The following THSD4 variants were observed in gnomAD, a reference collection of about 807,000 sequenced individuals.
THSD4 encodes thrombospondin type 1 domain containing 4, also known as thrombospondin type-1 domain-containing protein 4.
In THSD4, 69 loss-of-function variants were observed where a neutral mutation model predicts 119.0. That is an observed-to-expected ratio of 0.58 (90% confidence interval 0.48 to 0.71). THSD4 has a LOEUF of 0.71. Ranked by LOEUF, THSD4 falls within the 30% of genes least tolerant of loss-of-function variation. The pLI, the probability that THSD4 is intolerant of heterozygous loss-of-function variation, is 0.00. For synonymous variants in THSD4, 524 were observed against 540.4 expected (o/e 0.97, Z 0.42); for missense variants, 1,393 against 1,391.1 (o/e 1.00, Z -0.02).
chr15:71,435,342 AT>A (rs1417056887), intron 7 of THSD4, among the ~76,000 whole-genome samples: 1 of 152,168 alleles, frequency 6.6e-6, no homozygotes, highest in African/African-American at 2.4e-5. Flanking sequence ...TGTACAAAGG[AT>A]TTTAACATTG....
At chr15:71,646,426 T>C (rs1174883673) in intron 7 of THSD4, among the ~76,000 whole-genome samples, 1 of 152,218 alleles carries the variant, frequency 6.6e-6, no homozygotes. Context: ...TTTACTTCCA[T>C]ATTTGCTGCC....
At chr15:71,617,282 A>C (rs2050334988) in intron 7 of THSD4, among the ~76,000 whole-genome samples, 1 of 152,228 alleles carries the variant, frequency 6.6e-6, no homozygotes, top group South Asian at 2.1e-4. Flanking sequence ...AAGTATGTGA[A>C]ATTAAACTAA....
At chr15:71,570,484 G>T (rs542445969) in intron 7 of THSD4, among the ~76,000 whole-genome samples, 5 of 151,386 alleles carry the variant, frequency 3.3e-5, no homozygotes, top group African/African-American at 9.7e-5. Flanking sequence ...TAGGCTCACT[G>T]CAACCTCTGC....
chr15:71,394,266 C>CTTTTTTTTT (rs58372446), intron 6 of THSD4, among the ~76,000 whole-genome samples: 5 of 89,692 alleles, frequency 5.6e-5, no homozygotes, highest in Non-Finnish European at 1.0e-4. Flanking sequence ...ACACATTTGT[C>CTTTTTTTTT]TTTTTTTTTT....
chr15:71,314,302 TTTTA>T lies in THSD4; in HGVS notation c.1015+57590_1015+57593del, dbSNP rs148587765. Reference sequence around the variant, plus strand: ...AAGTTACTATAAGAAAATATTATATTTTTATTCTTTTTTTTAATTATTGGCGGCG... The same window carrying T: ...AAGTTACTATAAGAAAATATTATATTTTCTTTTTTTTAATTATTGGCGGCG... On this transcript the variant is annotated intron_variant, in intron 6 of 17. Transcript: ENST00000261862. Among the ~76,000 whole-genome samples, 1,118 of 152,126 alleles carry T rather than the reference TTTTA, an allele frequency of 7.3e-3. 16 individuals carry two copies. Among genetic ancestry groups the T allele is most frequent in the African/African-American group, 0.025 (1,058 of 41,504 alleles).
intron 7 of THSD4, among the ~76,000 whole-genome samples, chr15:71,533,475 G>A (rs771860260): frequency 1.3e-5 from 2 of 152,150 alleles, no homozygotes; most frequent in African/African-American, 4.8e-5. Context: ...TAATTAAAGA[G>A]TATCTCAGAA....
chr15:71,210,750 C>T (rs542881721), intron 3 of THSD4, among the ~76,000 whole-genome samples: 4 of 152,100 alleles, frequency 2.6e-5, no homozygotes, highest in Admixed American at 2.0e-4. Context: ...TGTTTTTTCA[C>T]TAATTAATAT....
intron 6 of THSD4, among the ~76,000 whole-genome samples, chr15:71,292,128 G>T (rs2044800294): frequency 1.3e-5 from 2 of 152,310 alleles, no homozygotes; most frequent in East Asian, 3.9e-4. Flanking sequence ...AGTTCTGAAG[G>T]TATTCCACCA....
chr15:71,720,820 T>C (rs1457348543), intron 8 of THSD4, among the ~76,000 whole-genome samples: 1 of 152,270 alleles, frequency 6.6e-6, no homozygotes, highest in Non-Finnish European at 1.5e-5. Flanking sequence ...ATTCGGTTTG[T>C]TCGGCTACTT....
At chr15:71,608,133 G>T (rs28516469) in intron 7 of THSD4, among the ~76,000 whole-genome samples, 38,618 of 150,498 alleles carry the variant, frequency 0.26, 5,701 homozygotes, top group East Asian at 0.7. Flanking sequence ...CGAGGCAGGA[G>T]AATTGTTTGA....
intron 7 of THSD4, among the ~76,000 whole-genome samples, chr15:71,536,214 C>T (rs977199499): frequency 1.3e-5 from 2 of 152,156 alleles, no homozygotes; most frequent in African/African-American, 4.8e-5. Context: ...TTGGCAAAAC[C>T]GCAGGCCTTG....
Position 71,781,236 on chromosome 15 carries a change from A to G in THSD4, c.*3862A>G, listed in dbSNP as rs528232297. The G allele has an allele frequency of 2.5e-4, 40 of 157,538 alleles. No homozygotes were observed. Among genetic ancestry groups the G allele is most frequent in the Non-Finnish European group, 5.1e-4 (36 of 70,920 alleles). 9.8% of individuals were successfully genotyped at this position (157,538 alleles called of 1,614,324 possible). On this transcript the variant is annotated 3_prime_UTR_variant, in exon 18 of 18. Transcript: ENST00000261862. ...TGCTGGATCCAAAAAGATCAGGGAG[A>G]CTAGAATAAAACTTGGATGTTAAAA...
At chr15:71,574,997 G>C (rs892293299) in intron 7 of THSD4, among the ~76,000 whole-genome samples, 4 of 152,074 alleles carry the variant, frequency 2.6e-5, no homozygotes. Context: ...GGGCTTTAGC[G>C]ATGCATCAGC....
At chr15:71,165,371 A>T in intron 3 of THSD4, 1 of 1,488,300 alleles carries the variant, frequency 6.7e-7, no homozygotes, top group Non-Finnish European at 9.3e-7. Flanking sequence ...AAAAATGCAT[A>T]TGATGACATT....
At chr15:71,289,925 G>A (rs552864359) in intron 6 of THSD4, among the ~76,000 whole-genome samples, 1 of 152,210 alleles carries the variant, frequency 6.6e-6, no homozygotes, top group Admixed American at 6.5e-5. Context: ...CATTTTCCTA[G>A]CTGGATGATC....
intron 8 of THSD4, among the ~76,000 whole-genome samples, chr15:71,720,329 G>T (rs2052698871): frequency 1.3e-5 from 2 of 152,156 alleles, no homozygotes; most frequent in African/African-American, 2.4e-5. Context: ...GGGATTACTG[G>T]CATGAGCCAC....
At chr15:71,385,617 G>C (rs1457663074) in intron 6 of THSD4, among the ~76,000 whole-genome samples, 1 of 152,006 alleles carries the variant, frequency 6.6e-6, no homozygotes, top group Non-Finnish European at 1.5e-5. Flanking sequence ...GTTTGAATAC[G>C]TGGCCACCTG....
intron 6 of THSD4, among the ~76,000 whole-genome samples, chr15:71,372,311 G>C (rs1025107451): frequency 6.6e-6 from 1 of 152,174 alleles, no homozygotes; most frequent in African/African-American, 2.4e-5. Flanking sequence ...GCTTTGTTCC[G>C]TTGCTGGCGA....
chr15:71,607,159 G>A (rs1433614729), intron 7 of THSD4, among the ~76,000 whole-genome samples: 2 of 152,248 alleles, frequency 1.3e-5, no homozygotes, highest in East Asian at 3.9e-4. Context: ...TATGGATCCA[G>A]GAGTCTCTGA....
Sources: gnomAD v4.1 joint callset for allele counts (sites outside exome capture counted in the v4.1 genomes callset) on GRCh38, gnomAD v4.1.1 for gene constraint, MANE v1.5 for transcripts, NCBI Gene and HGNC (gene_info 2026-07-23, HGNC 2026-07-21) for gene names.